CFAP44: variants seen among roughly 807,000 people sequenced by gnomAD.
CFAP44 encodes the protein cilia- and flagella-associated protein 44.
Under a neutral mutation model 216.2 loss-of-function variants are expected in CFAP44, and 134 were observed. That is an observed-to-expected ratio of 0.62 (90% CI 0.54 to 0.72). The LOEUF is 0.72. Among genes scored for constraint, CFAP44 ranks in the 30% least tolerant of loss-of-function variants. The pLI, the probability that CFAP44 is intolerant of heterozygous loss-of-function variation, is 0.00. For synonymous variants in CFAP44, 700 were observed against 727.6 expected (o/e 0.96, Z 0.61); for missense variants, 2,035 against 2,182.1 (o/e 0.93, Z 1.34).
At chr3:113,336,704 A>G (rs748310072) in intron 24 of CFAP44, among the ~76,000 whole-genome samples, 9 of 151,990 alleles carry the variant, frequency 5.9e-5, no homozygotes, top group Non-Finnish European at 2.9e-5. Flanking sequence ...AGCCCTAAAT[A>G]TAAATAAGTA....
At chr3:113,369,368 A>G (rs1576574648) in intron 18 of CFAP44, among the ~76,000 whole-genome samples, 1 of 152,026 alleles carries the variant, frequency 6.6e-6, no homozygotes, top group East Asian at 1.9e-4. Context: ...AAGAATAGAA[A>G]TCACAACAGT....
chr3:113,401,475 T>A (rs1403654148), intron 10 of CFAP44, 109 bp downstream of exon 10: 3 of 1,347,526 alleles, frequency 2.2e-6, no homozygotes, highest in Non-Finnish European at 3.1e-6. Flanking sequence ...CAATAAGCAA[T>A]CTCATAACAC....
chr3:113,406,827 C>A, intron 8 of CFAP44, 100 bp downstream of exon 8: 2 of 676,836 alleles, frequency 3.0e-6, no homozygotes, highest in South Asian at 2.2e-5. Context: ...ACAATAATAT[C>A]TGTTATTGGC....
At chr3:113,429,414 A>T (rs1335506130) in intron 2 of CFAP44, among the ~76,000 whole-genome samples, 1 of 152,002 alleles carries the variant, frequency 6.6e-6, no homozygotes, top group Admixed American at 6.6e-5. Context: ...AGTCTATTTT[A>T]TCTGGTATTA....
chr3:113,421,615 C>T lies in CFAP44; in HGVS notation c.408-1436G>A, dbSNP rs139247364. Among the ~76,000 whole-genome samples the T allele has an allele frequency of 1.9e-3, 295 of 152,162 alleles. 2 individuals carry two copies. The highest frequency in any genetic ancestry group is 5.8e-3 in the African/African-American group (239 of 41,504). On this transcript the variant is annotated intron_variant, in intron 4 of 34. Coordinates refer to ENST00000393845, the MANE Select transcript of CFAP44 (RefSeq NM_001164496.2). ...TACCCATCAGTGGTGCACTGGATAA[C>T]GAAAATGTGGCATATATACACCATG...
At chr3:113,411,447 G>T (rs1373619648) in intron 6 of CFAP44, among the ~76,000 whole-genome samples, 3 of 152,156 alleles carry the variant, frequency 2.0e-5, no homozygotes, top group Non-Finnish European at 1.5e-5. Flanking sequence ...TCAAAGATCA[G>T]ATGGTTGTAG....
intron 34 of CFAP44, chr3:113,294,222 A>G: frequency 3.5e-6 from 1 of 286,576 alleles, no homozygotes; most frequent in South Asian, 3.4e-5. Context: ...ATTAAGTACA[A>G]TGTTAGGCTG....
intron 28 of CFAP44, among the ~76,000 whole-genome samples, chr3:113,324,042 C>CAAAAA (rs200919084): frequency 2.8e-5 from 2 of 71,862 alleles, no homozygotes; most frequent in Admixed American, 1.6e-4. Flanking sequence ...GACTCCGTCT[C>CAAAAA]AAAAAAAAAA....
At chr3:113,312,238 ATTTT>A in intron 28 of CFAP44, among the ~76,000 whole-genome samples, 1 of 130,706 alleles carries the variant, frequency 7.7e-6, no homozygotes, top group Non-Finnish European at 1.6e-5. Context: ...TGCCTGGCTA[ATTTT>A]TTTTTTTTTT....
chr3:113,326,399 T>C (rs529069463), intron 28 of CFAP44, 46 bp downstream of exon 28: 212 of 1,433,672 alleles, frequency 1.5e-4, no homozygotes, highest in Non-Finnish European at 1.8e-4. Flanking sequence ...CTCTATTTCA[T>C]GTTAATGAGA....
At position 113,406,980 on chromosome 3, in the gene CFAP44, C is replaced by T. The variant is rs777509389; in HGVS notation, c.952G>A (p.Gly318Ser). The T allele has an allele frequency of 6.2e-7, 1 of 1,614,068 alleles. No individual in the cohort carries two copies. The highest frequency in any genetic ancestry group is 1.1e-5 in the South Asian group (1 of 91,080). The change falls in exon 8 of 35, where the codon GGC (glycine) becomes AGC (serine). Residue 318 changes from glycine (G) to serine (S), a missense_variant. By Grantham distance (56) the Gly-to-Ser change is moderately conservative. Around this residue, in one of 3 missense-constraint regions of CFAP44, gnomAD observed 1,883 missense variants for 2,023.7 expected, o/e 0.93. Coordinates refer to ENST00000393845, the MANE Select transcript of CFAP44 (RefSeq NM_001164496.2). ...TCTATATCAGTAGTGATTGTTTTGC[C>T]AAATCGACCTAGTGATCCCTGCAGC... ...LKLQGSLGRF[G>S]KTITTDIEGY...
intron 32 of CFAP44, among the ~76,000 whole-genome samples, chr3:113,300,974 A>G (rs1949928583): frequency 6.6e-6 from 1 of 152,192 alleles, no homozygotes; most frequent in Admixed American, 6.5e-5. Context: ...TATATGCCCT[A>G]CGACCCAGCT....
chr3:113,369,019 T>C (rs1406908511), intron 18 of CFAP44, among the ~76,000 whole-genome samples: 1 of 152,192 alleles, frequency 6.6e-6, no homozygotes, highest in East Asian at 1.9e-4. Context: ...AAGGGATCAA[T>C]TCAACAAGAA....
At chr3:113,378,112 GCAATCTTCC>G (rs988429401) in intron 17 of CFAP44, among the ~76,000 whole-genome samples, 3 of 152,206 alleles carry the variant, frequency 2.0e-5, no homozygotes, top group South Asian at 2.1e-4. Context: ...TTGGGCTCAA[GCAATCTTCC>G]CAATCTTCCC....
At chr3:113,329,875 G>A (rs774861751) in intron 26 of CFAP44, among the ~76,000 whole-genome samples, 1 of 151,950 alleles carries the variant, frequency 6.6e-6, no homozygotes, top group Admixed American at 6.6e-5. Context: ...TCCCCTTTAC[G>A]ATGACTTCAG....
chr3:113,317,817 T>C (rs1339362338), intron 28 of CFAP44, among the ~76,000 whole-genome samples: 1 of 152,224 alleles, frequency 6.6e-6, no homozygotes, highest in Non-Finnish European at 1.5e-5. Context: ...CATATCTCCC[T>C]GCTACAGTCT....
chr3:113,363,867 A>G (rs1950564991), intron 19 of CFAP44, among the ~76,000 whole-genome samples: 1 of 152,172 alleles, frequency 6.6e-6, no homozygotes, highest in Admixed American at 6.5e-5. Flanking sequence ...AAAAGTCTAG[A>G]TCATTTATTT....
intron 6 of CFAP44, among the ~76,000 whole-genome samples, chr3:113,411,330 T>A (rs1934464834): frequency 6.6e-6 from 1 of 152,178 alleles, no homozygotes; most frequent in Non-Finnish European, 1.5e-5. Context: ...GTATAAGGTG[T>A]AAGGAAGGGA....
intron 25 of CFAP44, among the ~76,000 whole-genome samples, chr3:113,330,923 C>CAGCT (rs1327672644): frequency 2.0e-5 from 3 of 152,130 alleles, no homozygotes; most frequent in Non-Finnish European, 4.4e-5. Flanking sequence ...TTGTTCCCTC[C>CAGCT]AGCTGGCTCG....
Sources: gnomAD v4.1 joint callset for allele counts (sites outside exome capture counted in the v4.1 genomes callset) on GRCh38, gnomAD v4.1.1 for gene constraint, gnomAD v4.1.1 regional missense constraint, MANE v1.5 for transcripts, NCBI Gene and HGNC (gene_info 2026-07-23, HGNC 2026-07-21) for gene names.